Variants in PLCB4 observed in about 807,000 individuals in gnomAD.
PLCB4 encodes phospholipase C beta 4, also known as 1-phosphatidylinositol 4,5-bisphosphate phosphodiesterase beta-4.
A neutral mutation model predicts 178.8 loss-of-function variants in PLCB4; 77 were observed. That is an observed-to-expected ratio of 0.43 (90% CI 0.36 to 0.52). PLCB4 has a LOEUF of 0.52. Ranked by LOEUF, PLCB4 falls within the 20% of genes least tolerant of loss-of-function variation. PLCB4 has a pLI of 0.00. For missense variants in PLCB4, 1,024 were observed against 1,453.4 expected, an observed-to-expected ratio of 0.70 and a Z score of 4.80; for synonymous variants, 496 against 490.8, an observed-to-expected ratio of 1.01 and a Z score of -0.14.
At chr20:9,300,065 G>A (rs748078983) in intron 3 of PLCB4, among the ~76,000 whole-genome samples, 1 of 152,102 alleles carries the variant, frequency 6.6e-6, no homozygotes, top group Non-Finnish European at 1.5e-5. Context: ...TGGAGGTAAA[G>A]CCATTTATTT....
chr20:9,198,209 G>T (rs898085419), intron 2 of PLCB4, among the ~76,000 whole-genome samples: 3 of 152,032 alleles, frequency 2.0e-5, no homozygotes, highest in African/African-American at 7.2e-5. Context: ...GTCAGTATTT[G>T]CCAACTATTA....
At chr20:9,242,867 C>A (rs534990581) in intron 3 of PLCB4, among the ~76,000 whole-genome samples, 1 of 152,230 alleles carries the variant, frequency 6.6e-6, no homozygotes, top group African/African-American at 2.4e-5. Context: ...TAACAGCCCT[C>A]CCCAGGTGAT....
At chr20:9,269,067 A>T (rs1446441108) in intron 3 of PLCB4, among the ~76,000 whole-genome samples, 1 of 152,210 alleles carries the variant, frequency 6.6e-6, no homozygotes, top group East Asian at 1.9e-4. Flanking sequence ...CAAAAAAATG[A>T]GGCTTATTCC....
intron 2 of PLCB4, among the ~76,000 whole-genome samples, chr20:9,170,542 C>T (rs1174092158): frequency 6.6e-6 from 1 of 152,112 alleles, no homozygotes; most frequent in East Asian, 1.9e-4. Flanking sequence ...AAAAAAAACT[C>T]CTCTTTCAGG....
At chr20:9,282,785 A>T in intron 3 of PLCB4, among the ~76,000 whole-genome samples, 1 of 152,072 alleles carries the variant, frequency 6.6e-6, no homozygotes, top group East Asian at 1.9e-4. Flanking sequence ...AGGTTGGATA[A>T]CCTAGGATGG....
intron 3 of PLCB4, among the ~76,000 whole-genome samples, chr20:9,241,203 C>T (rs890255612): frequency 4.6e-5 from 7 of 152,076 alleles, no homozygotes; most frequent in African/African-American, 1.7e-4. Flanking sequence ...TCTTTGTTAC[C>T]AGTAATGATT....
At chr20:9,189,927 A>G (rs1400867357) in intron 2 of PLCB4, among the ~76,000 whole-genome samples, 1 of 152,156 alleles carries the variant, frequency 6.6e-6, no homozygotes, top group African/African-American at 2.4e-5. Context: ...GTCAACATGA[A>G]TTTTGGACAC....
chr20:9,455,347 C>G (rs1001533291), intron 33 of PLCB4, among the ~76,000 whole-genome samples: 2 of 152,108 alleles, frequency 1.3e-5, no homozygotes, highest in African/African-American at 4.8e-5. Flanking sequence ...CAGATCCAAG[C>G]ACCATAGAGT....
In PLCB4 at chr20:9,415,473, G is replaced by A. The variant is rs1233881320; in HGVS notation, c.2052-4334G>A. 2.0e-5 allele frequency among the ~76,000 whole-genome samples: 3 copies of A among 152,158 alleles called. No individual in the cohort carries two copies. In the East Asian group the frequency reaches 5.8e-4, roughly 29 times the overall value. On this transcript the variant is annotated intron_variant, in intron 25 of 39. Coordinates refer to ENST00000378473, the MANE Select transcript of PLCB4 (RefSeq NM_001377142.1). ...TGGCATCTTAGGTATGATGAAATAG[G>A]ATGCATTTCCTTATGACCCCATTTT...
intron 6 of PLCB4, among the ~76,000 whole-genome samples, chr20:9,338,282 T>G (rs1025412659): frequency 6.6e-6 from 1 of 152,172 alleles, no homozygotes; most frequent in African/African-American, 2.4e-5. Context: ...AGAGGCTTTG[T>G]GGACAAGCAG....
chr20:9,087,190 A>T (rs1357618314), intron 1 of PLCB4, among the ~76,000 whole-genome samples: 2 of 152,190 alleles, frequency 1.3e-5, no homozygotes, highest in African/African-American at 4.8e-5. Context: ...TGACATAATT[A>T]TATTCTGTGG....
Position 9,337,191 on chromosome 20 carries a change from G to C in PLCB4, c.150G>C (p.Trp50Cys). Residue 50 changes from tryptophan to cysteine, a missense_variant, in exon 5 of 40, where the codon TGG becomes TGC. By Grantham distance (215) the Trp-to-Cys change is radical. Coordinates refer to ENST00000378473, the MANE Select transcript of PLCB4 (RefSeq NM_001377142.1). The stretch of plus-strand genomic sequence containing the variant: ...ATGAGTTTGGCTTCTTTCTGACATG[G>C]AGAAGTGAAGGCAAGGTATGGCCCA... ...KVDEFGFFLT[W>C]RSEGKEGQVL... The C allele has an allele frequency of 6.2e-7, 1 of 1,612,352 alleles. No individual in the cohort carries two copies. The highest frequency in any genetic ancestry group is 8.5e-7 in the Non-Finnish European group (1 of 1,178,564).
At chr20:9,249,897 C>G (rs1310753499) in intron 3 of PLCB4, among the ~76,000 whole-genome samples, 1 of 151,834 alleles carries the variant, frequency 6.6e-6, no homozygotes, top group Non-Finnish European at 1.5e-5. Context: ...CTGAAAGAAC[C>G]AGGTAAATAT....
Position 9,408,586 on chromosome 20 carries a change from G to A in PLCB4, c.1790-47G>A, listed in dbSNP as rs1281095226. The A allele has an allele frequency of 7.9e-6, 6 of 757,650 alleles. No homozygotes were observed. The East Asian group carries it at 2.3e-4, about 30-fold the overall frequency. The allele number at this position is 757,650 out of a possible 1,614,324, so 46.9% of individuals were successfully genotyped here. On this transcript the variant is annotated intron_variant, in intron 22 of 39. Coordinates refer to ENST00000378473, the MANE Select transcript of PLCB4 (RefSeq NM_001377142.1). ...TTATTTATTGCTGTTTTTCGGTGAGGGTTTGATGGCAGAGTTCCTGAATCC... is the reference window on the plus strand; with the variant it reads ...TTATTTATTGCTGTTTTTCGGTGAGAGTTTGATGGCAGAGTTCCTGAATCC...
chr20:9,401,271 A>G (rs903397728), intron 19 of PLCB4, among the ~76,000 whole-genome samples: 2 of 152,256 alleles, frequency 1.3e-5, no homozygotes, highest in Non-Finnish European at 2.9e-5. Flanking sequence ...TTTTAGGAGC[A>G]GGAGAAATAA....
chr20:9,122,198 G>A (rs7271703), intron 2 of PLCB4, among the ~76,000 whole-genome samples: 22,173 of 152,062 alleles, frequency 0.15, 1,681 homozygotes, highest in Middle Eastern at 0.19. Flanking sequence ...AGATAACTCT[G>A]TAAATTCAGG....
intron 9 of PLCB4, among the ~76,000 whole-genome samples, chr20:9,365,816 CT>C (rs1254149520): frequency 6.6e-6 from 1 of 152,104 alleles, no homozygotes; most frequent in Non-Finnish European, 1.5e-5. Context: ...ATTTATGTTT[CT>C]TTTGCTTATT....
At chr20:9,202,799 G>C (rs2093563229) in intron 2 of PLCB4, among the ~76,000 whole-genome samples, 1 of 152,116 alleles carries the variant, frequency 6.6e-6, no homozygotes, top group South Asian at 2.1e-4. Context: ...AGAGCAGGCT[G>C]TTTTTCAAAG....
chr20:9,155,577 A>C (rs1409904980), intron 2 of PLCB4, among the ~76,000 whole-genome samples: 1 of 152,160 alleles, frequency 6.6e-6, no homozygotes, highest in Non-Finnish European at 1.5e-5. Context: ...CTGTTTCCAC[A>C]AACTCACCCA....
Sources: allele counts gnomAD v4.1 joint callset (sites outside exome capture counted in the v4.1 genomes callset), GRCh38; gene constraint gnomAD v4.1.1; transcripts MANE v1.5; gene names NCBI Gene and HGNC (gene_info 2026-07-23, HGNC 2026-07-21).